Variants in SUPT3H observed in about 807,000 individuals in gnomAD.
The protein encoded by SUPT3H is transcription initiation protein SPT3 homolog.
Under a neutral mutation model 44.3 loss-of-function variants are expected in SUPT3H, and 44 were observed. That is an observed-to-expected ratio of 0.99 (90% CI 0.78 to 1.28). The LOEUF is 1.28. Among genes scored for constraint, SUPT3H ranks in the 50% most tolerant of loss-of-function variants. The pLI is 0.00. For synonymous variants in SUPT3H, 124 were observed against 125.6 expected (o/e 0.99, Z 0.09); for missense variants, 380 against 387.1 (o/e 0.98, Z 0.15).
chr6:45,260,414 T>C (rs1159421550), intron 2 of SUPT3H, among the ~76,000 whole-genome samples: 1 of 15,080 alleles, frequency 6.6e-5, no homozygotes, highest in African/African-American at 5.2e-4. Context: ...ATTCAATTTA[T>C]TCCTATCAAA....
At chr6:45,247,144 C>T (rs181995657) in intron 2 of SUPT3H, among the ~76,000 whole-genome samples, 8 of 152,252 alleles carry the variant, frequency 5.3e-5, no homozygotes, top group African/African-American at 1.9e-4. Flanking sequence ...CTGATAATAA[C>T]GTTGACGAAT....
intron 10 of SUPT3H, among the ~76,000 whole-genome samples, chr6:44,900,346 T>C (rs1387314657): frequency 2.0e-5 from 3 of 152,142 alleles, no homozygotes; most frequent in African/African-American, 4.8e-5. Flanking sequence ...TTTCCAAAGC[T>C]CTTAGCAAAC....
At chr6:45,264,132 T>C (rs2153658862) in intron 2 of SUPT3H, among the ~76,000 whole-genome samples, 1 of 152,236 alleles carries the variant, frequency 6.6e-6, no homozygotes, top group East Asian at 1.9e-4. Flanking sequence ...AATTAATTAA[T>C]GAAAAAGAAA....
chr6:45,089,786 T>C lies in SUPT3H; in HGVS notation c.186+16136A>G, dbSNP rs183231626. On this transcript the variant is annotated intron_variant, in intron 3 of 10. Transcript: ENST00000371459. ...AATACTGCAATATCCTCCTTATAAC[T>C]GACCTCTCCAGAAGCAGCATCTTGA... Among the ~76,000 whole-genome samples the C allele has an allele frequency of 2.0e-5, 3 of 152,132 alleles. No homozygotes were observed. In the East Asian group the frequency reaches 5.8e-4, roughly 29 times the overall value.
At position 44,958,111 on chromosome 6, in the gene SUPT3H, T is replaced by G. The variant is rs3799988; in HGVS notation, c.581-3504A>C. On this transcript the variant is annotated intron_variant, in intron 7 of 10. Transcript: ENST00000371459. Reference sequence around the variant, plus strand: ...TCAGGAGAAACGATAACCTGGAAATTGACTAACAAACAGAATCCTGAGCAA... The same window carrying G: ...TCAGGAGAAACGATAACCTGGAAATGGACTAACAAACAGAATCCTGAGCAA... 6.6e-5 allele frequency among the ~76,000 whole-genome samples: 10 copies of G among 152,208 alleles called. No individual in the cohort carries two copies. In the East Asian group the frequency reaches 1.9e-3, roughly 29 times the overall value.
chr6:44,842,239 T>A (rs963882858), intron 10 of SUPT3H, among the ~76,000 whole-genome samples: 2 of 152,158 alleles, frequency 1.3e-5, no homozygotes, highest in African/African-American at 4.8e-5. Context: ...GAAATGCACA[T>A]GGTAGGCTCT....
chr6:44,909,308 T>C (rs1306249527), intron 10 of SUPT3H, among the ~76,000 whole-genome samples: 1 of 152,206 alleles, frequency 6.6e-6, no homozygotes, highest in African/African-American at 2.4e-5. Flanking sequence ...ACTGTAGCTT[T>C]GTAATGTTTT....
At chr6:44,992,783 C>T (rs367956963) in intron 6 of SUPT3H, among the ~76,000 whole-genome samples, 108 of 152,168 alleles carry the variant, frequency 7.1e-4, no homozygotes, top group African/African-American at 2.6e-3. Context: ...AAAAAGATGG[C>T]AGTCATTTGA....
intron 2 of SUPT3H, among the ~76,000 whole-genome samples, chr6:45,304,557 A>G (rs1407166233): frequency 6.6e-6 from 1 of 152,246 alleles, no homozygotes; most frequent in Non-Finnish European, 1.5e-5. Flanking sequence ...AGTTATTTCA[A>G]AGCTATACAA....
intron 3 of SUPT3H, among the ~76,000 whole-genome samples, chr6:45,088,800 G>C (rs1051713739): frequency 6.6e-6 from 1 of 151,908 alleles, no homozygotes; most frequent in South Asian, 2.1e-4. Context: ...GATCAATACT[G>C]ACAGCTGTCA....
In SUPT3H at chr6:44,978,055, C is replaced by T. The variant is rs917360788; in HGVS notation, c.505-16227G>A. ...ACTACATTTTCTGAGTCATTTTACT[C>T]GGTGGTAGTAGTAAATATTACATAT... On this transcript the variant is annotated intron_variant, in intron 6 of 10. Transcript: ENST00000371459. 2.8e-4 allele frequency among the ~76,000 whole-genome samples: 43 copies of T among 152,058 alleles called. 1 individual carries two copies. The highest frequency in any genetic ancestry group is 7.2e-4 in the Admixed American group (11 of 15,298).
At chr6:45,281,961 G>A (rs1778186047) in intron 2 of SUPT3H, among the ~76,000 whole-genome samples, 1 of 152,156 alleles carries the variant, frequency 6.6e-6, no homozygotes, top group Non-Finnish European at 1.5e-5. Flanking sequence ...ATCCACTGCT[G>A]ATACCCAGGC....
intron 3 of SUPT3H, among the ~76,000 whole-genome samples, chr6:45,035,020 A>T (rs1237479243): frequency 2.6e-5 from 4 of 152,194 alleles, no homozygotes; most frequent in African/African-American, 9.6e-5. Context: ...ACCAATCAAC[A>T]TCCAGCATGC....
intron 2 of SUPT3H, among the ~76,000 whole-genome samples, chr6:45,187,277 A>C (rs1179339097): frequency 1.3e-5 from 2 of 151,954 alleles, no homozygotes; most frequent in African/African-American, 4.8e-5. Flanking sequence ...TAGCTGGACC[A>C]GGTGGCGGGT....
At chr6:45,197,925 T>C (rs1322072402) in intron 2 of SUPT3H, among the ~76,000 whole-genome samples, 1 of 151,290 alleles carries the variant, frequency 6.6e-6, no homozygotes, top group South Asian at 2.1e-4. Context: ...GCAATTAGCA[T>C]CTATTCAGAC....
chr6:44,928,886 A>ATAAATAAATAAAT (rs1474494728), intron 10 of SUPT3H, among the ~76,000 whole-genome samples: 4 of 122,652 alleles, frequency 3.3e-5, no homozygotes, highest in African/African-American at 9.7e-5. Flanking sequence ...CCGTCTCAAA[A>ATAAATAAATAAAT]AAAAAAAAAA....
At chr6:45,223,071 G>C (rs1766330866) in intron 2 of SUPT3H, among the ~76,000 whole-genome samples, 1 of 152,044 alleles carries the variant, frequency 6.6e-6, no homozygotes, top group Admixed American at 6.5e-5. Flanking sequence ...GTTGGTGGAG[G>C]CTATAAAAGG....
At chr6:45,042,697 C>T (rs1171399110) in intron 3 of SUPT3H, among the ~76,000 whole-genome samples, 1 of 152,034 alleles carries the variant, frequency 6.6e-6, no homozygotes, top group Non-Finnish European at 1.5e-5. Context: ...GGCGATTCCT[C>T]AGGGATCTAG....
intron 6 of SUPT3H, among the ~76,000 whole-genome samples, chr6:44,972,065 C>T (rs956376436): frequency 6.6e-5 from 10 of 151,716 alleles, no homozygotes; most frequent in South Asian, 2.1e-4. Context: ...TGAGCCACTG[C>T]GCCCAGCCAA....
Sources: gnomAD v4.1 joint callset for allele counts (sites outside exome capture counted in the v4.1 genomes callset) on GRCh38, gnomAD v4.1.1 for gene constraint, MANE v1.5 for transcripts, NCBI Gene and HGNC (gene_info 2026-07-23, HGNC 2026-07-21) for gene names.